The following PRPF18 variants were observed in gnomAD, a reference collection of about 807,000 sequenced individuals.
The protein encoded by PRPF18 is pre-mRNA-splicing factor 18.
A neutral mutation model predicts 46.5 loss-of-function variants in PRPF18; 38 were observed. That is an observed-to-expected ratio of 0.82 (90% CI 0.63 to 1.07). PRPF18 has a LOEUF of 1.07. PRPF18 is among the 50% of genes least tolerant of loss of function. The pLI, the probability that PRPF18 is intolerant of heterozygous loss-of-function variation, is 0.00. For missense variants in PRPF18, 263 were observed against 410.0 expected, an observed-to-expected ratio of 0.64 and a Z score of 3.10; for synonymous variants, 152 against 146.7, an observed-to-expected ratio of 1.04 and a Z score of -0.26.
At chr10:13,607,656 C>T (rs547398248) in intron 4 of PRPF18, among the ~76,000 whole-genome samples, 2 of 152,178 alleles carry the variant, frequency 1.3e-5, no homozygotes, top group South Asian at 2.1e-4. Flanking sequence ...AGGGATCCTC[C>T]CGCCTTGGCC....
chr10:13,650,959 A>T, the PRPF18 span: 1 of 152,218 alleles, frequency 6.6e-6, no homozygotes, highest in Non-Finnish European at 1.5e-5. Context: ...GTCTTAGAGC[A>T]CTTAATACAT....
chr10:13,649,536 C>G, the PRPF18 span: 1 of 151,180 alleles, frequency 6.6e-6, no homozygotes, highest in Non-Finnish European at 1.5e-5. Context: ...GCTCCTGCCT[C>G]TGAGAAAATG....
the PRPF18 span, chr10:13,648,796 A>C: frequency 1.4e-4 from 22 of 152,284 alleles, no homozygotes; most frequent in African/African-American, 4.8e-4. Context: ...CTGTTGATGA[A>C]ATTTTTGTTT....
chr10:13,625,324 CA>C (rs1212546752), intron 9 of PRPF18, among the ~76,000 whole-genome samples: 1 of 151,754 alleles, frequency 6.6e-6, no homozygotes, highest in Non-Finnish European at 1.5e-5. Flanking sequence ...ACAAAACAAA[CA>C]AAAAAATTCT....
At chr10:13,589,208 G>T (rs1036971496) in intron 1 of PRPF18, among the ~76,000 whole-genome samples, 5 of 152,184 alleles carry the variant, frequency 3.3e-5, no homozygotes, top group Non-Finnish European at 5.9e-5. Context: ...GAAGTGATCT[G>T]CTCACTTTGT....
In PRPF18 at chr10:13,597,275, G is replaced by C. The variant is rs190975752; in HGVS notation, c.67-183G>C. On this transcript the variant is annotated intron_variant, in intron 1 of 9. Transcript: ENST00000378572. The stretch of plus-strand genomic sequence containing the variant: ...ACATATCGGTGCCCATAGTCGTAGT[G>C]GAGGGTTGTTGATGTGCTTGGGGAA... Among the ~76,000 whole-genome samples, 375 of 152,204 alleles carry C rather than the reference G, an allele frequency of 2.5e-3. 1 individual carries two copies. Among genetic ancestry groups the C allele is most frequent in the South Asian group, 0.016 (79 of 4,814 alleles).
chr10:13,602,074 T>C (rs2133394464), intron 3 of PRPF18, among the ~76,000 whole-genome samples: 1 of 152,342 alleles, frequency 6.6e-6, no homozygotes, highest in South Asian at 2.1e-4. Flanking sequence ...AAAGAAGCTG[T>C]GCCAATTTAC....
At chr10:13,619,751 A>G (rs2080396981) in intron 9 of PRPF18, among the ~76,000 whole-genome samples, 1 of 152,026 alleles carries the variant, frequency 6.6e-6, no homozygotes, top group Non-Finnish European at 1.5e-5. Flanking sequence ...CTCTCTGTTG[A>G]TGAATTCACT....
intron 1 of PRPF18, among the ~76,000 whole-genome samples, chr10:13,588,793 T>G (rs1417342995): frequency 2.0e-5 from 3 of 152,184 alleles, no homozygotes; most frequent in Non-Finnish European, 4.4e-5. Flanking sequence ...TCCCTTACTT[T>G]ATTGTGTAGC....
chr10:13,594,622 A>G (rs1202054448), intron 1 of PRPF18, among the ~76,000 whole-genome samples: 1 of 152,160 alleles, frequency 6.6e-6, no homozygotes, highest in East Asian at 1.9e-4. Flanking sequence ...TAATGTTGAC[A>G]TTTTTGATTA....
At chr10:13,594,334 C>T (rs1219261192) in intron 1 of PRPF18, among the ~76,000 whole-genome samples, 1 of 152,178 alleles carries the variant, frequency 6.6e-6, no homozygotes, top group Non-Finnish European at 1.5e-5. Context: ...TTTTCAAGTA[C>T]ACGAAGAAAA....
chr10:13,607,356 T>C (rs942717322), intron 4 of PRPF18, among the ~76,000 whole-genome samples: 1 of 152,264 alleles, frequency 6.6e-6, no homozygotes, highest in Non-Finnish European at 1.5e-5. Context: ...ACTATTTTCT[T>C]GTAGTTTAGG....
the PRPF18 span, chr10:13,646,997 T>A: frequency 5.1e-6 from 5 of 982,818 alleles, no homozygotes; most frequent in South Asian, 2.4e-4. Flanking sequence ...TAGTTCTGGA[T>A]AGAGGGAGGA....
intron 1 of PRPF18, among the ~76,000 whole-genome samples, chr10:13,588,425 C>T (rs1564447380): frequency 6.7e-6 from 1 of 149,254 alleles, no homozygotes; most frequent in African/African-American, 2.5e-5. Context: ...AAAAAAATTC[C>T]TTCTAGCCAG....
At chr10:13,651,779 T>C in the PRPF18 span, 1 of 669,188 alleles carries the variant, frequency 1.5e-6, no homozygotes, top group Middle Eastern at 2.4e-4. Context: ...TCCCCATGTA[T>C]CTAGAAATAA....
downstream of PRPF18, among the ~76,000 whole-genome samples, chr10:13,635,554 A>C (rs558067937): frequency 3.3e-5 from 5 of 152,282 alleles, no homozygotes; most frequent in Non-Finnish European, 7.4e-5. Flanking sequence ...CCTCACCAGC[A>C]TCTGTTATTT....
chr10:13,615,713 T>G (rs1434173323), intron 8 of PRPF18, among the ~76,000 whole-genome samples: 1 of 152,192 alleles, frequency 6.6e-6, no homozygotes, highest in Non-Finnish European at 1.5e-5. Flanking sequence ...CTAGCCAGGC[T>G]TGGTTAGGAA....
At chr10:13,596,450 A>G (rs1281115536) in intron 1 of PRPF18, among the ~76,000 whole-genome samples, 1 of 152,126 alleles carries the variant, frequency 6.6e-6, no homozygotes, top group Non-Finnish European at 1.5e-5. Flanking sequence ...TCCATTGATG[A>G]TCATTGTCTG....
At chr10:13,625,745 T>C (rs1371097594) in intron 9 of PRPF18, among the ~76,000 whole-genome samples, 1 of 152,302 alleles carries the variant, frequency 6.6e-6, no homozygotes, top group African/African-American at 2.4e-5. Context: ...CTTACAAAGG[T>C]GCAGGAATTA....
Sources: gnomAD v4.1 joint callset for allele counts (sites outside exome capture counted in the v4.1 genomes callset) on GRCh38, gnomAD v4.1.1 for gene constraint, MANE v1.5 for transcripts, NCBI Gene and HGNC (gene_info 2026-07-23, HGNC 2026-07-21) for gene names.